EYS: variants seen among roughly 807,000 people sequenced by gnomAD.
EYS encodes protein eyes shut homolog.
Under a neutral mutation model 282.1 loss-of-function variants are expected in EYS, and 250 were observed. The observed-to-expected ratio is 0.89, with a 90% CI of 0.80 to 0.98. The LOEUF is 0.98. Among genes scored for constraint, EYS ranks in the 50% least tolerant of loss-of-function variants. The pLI is 0.00. For missense variants in EYS, 4,016 were observed against 3,709.0 expected, an observed-to-expected ratio of 1.08 and a Z score of -2.15; for synonymous variants, 1,355 against 1,282.9, an observed-to-expected ratio of 1.06 and a Z score of -1.20.
chr6:65,051,763 T>C lies in EYS; in HGVS notation c.2137+5851A>G, dbSNP rs559187133. On this transcript the variant is annotated intron_variant, in intron 13 of 42. Transcript: ENST00000503581. The stretch of plus-strand genomic sequence containing the variant: ...GACAAATACCGCATGATCCCACTTA[T>C]GTGTGGAATCTAAAAAAAGATAAAG... Among the ~76,000 whole-genome samples, 83 of 151,648 alleles carry C rather than the reference T, an allele frequency of 5.5e-4. 1 individual carries two copies. The highest frequency in any genetic ancestry group is 1.9e-3 in the African/African-American group (77 of 41,506).
chr6:64,845,487 A>G (rs1320619205), intron 19 of EYS, among the ~76,000 whole-genome samples: 2 of 151,274 alleles, frequency 1.3e-5, no homozygotes, highest in African/African-American at 4.9e-5. Flanking sequence ...TTGTTGAAAT[A>G]TAATTGATTT....
intron 33 of EYS, among the ~76,000 whole-genome samples, chr6:64,008,725 C>T (rs1768465347): frequency 1.3e-5 from 2 of 152,146 alleles, no homozygotes; most frequent in Non-Finnish European, 2.9e-5. Flanking sequence ...TGCTTTTAAA[C>T]TTAGTTTAAC....
chr6:65,260,025 G>A lies in EYS; in HGVS notation c.2023+35838C>T, dbSNP rs1270878170. Among the ~76,000 whole-genome samples the A allele has an allele frequency of 2.0e-5, 3 of 152,022 alleles. No homozygotes were observed. The East Asian group carries it at 5.8e-4, about 29-fold the overall frequency. ...GGCCTGAGACCGGGTAATTTGTAAA[G>A]TAAAGAGGTTTAATTGACTCACAGT... On this transcript the variant is annotated intron_variant, in intron 12 of 42. Transcript: ENST00000503581.
At chr6:65,090,006 C>CAA (rs1774508800) in intron 12 of EYS, among the ~76,000 whole-genome samples, 2 of 146,866 alleles carry the variant, frequency 1.4e-5, no homozygotes, top group East Asian at 3.9e-4. Flanking sequence ...CACACACACA[C>CAA]AAACACACAC....
chr6:64,033,239 G>A (rs546507214), intron 33 of EYS, among the ~76,000 whole-genome samples: 2 of 152,172 alleles, frequency 1.3e-5, no homozygotes, highest in African/African-American at 4.8e-5. Flanking sequence ...CTCATACAGT[G>A]AGTCAAAACA....
chr6:65,382,386 A>T (rs1160678415), intron 8 of EYS, among the ~76,000 whole-genome samples: 1 of 139,430 alleles, frequency 7.2e-6, no homozygotes, highest in East Asian at 2.1e-4. Flanking sequence ...TGTTAGTTAA[A>T]TTATCTTAGT....
chr6:64,340,431 A>T (rs116466953), intron 29 of EYS, among the ~76,000 whole-genome samples: 4,728 of 151,768 alleles, frequency 0.031, 233 homozygotes, highest in African/African-American at 0.11. Flanking sequence ...CCTACAACCA[A>T]CTGATTTTTA....
intron 26 of EYS, among the ~76,000 whole-genome samples, chr6:64,467,459 A>G (rs182030892): frequency 2.2e-4 from 33 of 152,286 alleles, no homozygotes; most frequent in Admixed American, 1.3e-3. Flanking sequence ...GCTTATATGT[A>G]CTAGGAAGTA....
intron 31 of EYS, among the ~76,000 whole-genome samples, chr6:64,159,694 A>C (rs1418922088): frequency 1.3e-5 from 2 of 151,946 alleles, no homozygotes; most frequent in East Asian, 3.9e-4. Flanking sequence ...CATTTTAACT[A>C]TCAACCAACT....
At chr6:65,364,648 G>A (rs1023749691) in intron 8 of EYS, among the ~76,000 whole-genome samples, 1 of 151,310 alleles carries the variant, frequency 6.6e-6, no homozygotes, top group Admixed American at 6.7e-5. Context: ...GCATTTTAAC[G>A]AGATAGTTCA....
At chr6:64,597,103 C>T (rs926780421) in intron 24 of EYS, among the ~76,000 whole-genome samples, 2 of 151,806 alleles carry the variant, frequency 1.3e-5, no homozygotes, top group Non-Finnish European at 2.9e-5. Context: ...GGCCAAGAAA[C>T]GTATGAAAAG....
intron 31 of EYS, among the ~76,000 whole-genome samples, chr6:64,103,541 A>C (rs1445797147): frequency 6.6e-6 from 1 of 152,150 alleles, no homozygotes; most frequent in African/African-American, 2.4e-5. Context: ...GAAAAGTCTG[A>C]AGTTCAGTTG....
At chr6:64,728,239 T>G (rs1771827459) in intron 22 of EYS, among the ~76,000 whole-genome samples, 1 of 151,714 alleles carries the variant, frequency 6.6e-6, no homozygotes, top group Non-Finnish European at 1.5e-5. Flanking sequence ...AGTTACAGTG[T>G]TTTTTTGTTT....
intron 41 of EYS, among the ~76,000 whole-genome samples, chr6:63,761,148 C>T (rs1004841021): frequency 1.3e-5 from 2 of 151,024 alleles, no homozygotes; most frequent in African/African-American, 4.9e-5. Flanking sequence ...GGAAAGGCTT[C>T]CCTAAATTAG....
intron 8 of EYS, among the ~76,000 whole-genome samples, chr6:65,375,036 G>A (rs531846313): frequency 1.3e-5 from 2 of 152,172 alleles, no homozygotes; most frequent in Non-Finnish European, 2.9e-5. Flanking sequence ...GCTCTGCTAA[G>A]GGATAGACTG....
intron 21 of EYS, among the ~76,000 whole-genome samples, chr6:64,817,961 A>T (rs373270122): frequency 1.2e-3 from 184 of 152,278 alleles, no homozygotes; most frequent in African/African-American, 4.3e-3. Flanking sequence ...AAGTCTGCTC[A>T]TAGCAATATA....
intron 26 of EYS, among the ~76,000 whole-genome samples, chr6:64,581,606 C>G (rs759831766): frequency 1.3e-5 from 2 of 152,030 alleles, no homozygotes; most frequent in African/African-American, 2.4e-5. Context: ...AATTAAACAT[C>G]AAAATTACAT....
chr6:65,484,519 A>G (rs1373599140), intron 5 of EYS, among the ~76,000 whole-genome samples: 1 of 152,156 alleles, frequency 6.6e-6, no homozygotes, highest in Non-Finnish European at 1.5e-5. Flanking sequence ...ATTTTATTGT[A>G]TCAATCATTC....
At chr6:65,353,131 G>A (rs1249896314) in intron 9 of EYS, among the ~76,000 whole-genome samples, 1 of 151,530 alleles carries the variant, frequency 6.6e-6, no homozygotes, top group Non-Finnish European at 1.5e-5. Flanking sequence ...TTTCATAAGA[G>A]CATTTTGTTT....
Sources: gnomAD v4.1 joint callset for allele counts (sites outside exome capture counted in the v4.1 genomes callset) on GRCh38, gnomAD v4.1.1 for gene constraint, MANE v1.5 for transcripts, NCBI Gene and HGNC (gene_info 2026-07-23, HGNC 2026-07-21) for gene names.